BBC3: variants seen among roughly 807,000 people sequenced by gnomAD.
BBC3 encodes bcl-2-binding component 3.
Under a neutral mutation model 18.2 loss-of-function variants are expected in BBC3, and 5 were observed. The observed-to-expected ratio is 0.27, with a 90% CI of 0.14 to 0.58. BBC3 has a LOEUF of 0.58. Among genes scored for constraint, BBC3 ranks in the 20% least tolerant of loss-of-function variants. BBC3 has a pLI of 0.91. For synonymous variants in BBC3, 119 were observed against 128.0 expected, an observed-to-expected ratio of 0.93 and a Z score of 0.47; for missense variants, 224 against 268.9, an observed-to-expected ratio of 0.83 and a Z score of 1.17.
At chr19:47,222,150 G>A (rs1217120533) in intron 3 of BBC3, 14 of 476,804 alleles carry the variant, frequency 2.9e-5, no homozygotes, top group South Asian at 1.4e-4. Flanking sequence ...GGCACCAAGC[G>A]AGTGCGTGGC....
In BBC3 at chr19:47,230,767, C is replaced by A; in HGVS notation, c.-16+162G>T. Reference sequence around the variant, plus strand: ...CCCCAACGCCGAGCCGCCTCTCACCCGGCGACCCTGGCCCAGGGTCCCTCG... The same window carrying A: ...CCCCAACGCCGAGCCGCCTCTCACCAGGCGACCCTGGCCCAGGGTCCCTCG... On this transcript the variant is annotated intron_variant, in intron 1 of 3. Transcript: ENST00000439096. This position sits in a 1 kb window ranked among gnomAD's most constrained non-coding sequence, Gnocchi z 6.7. The A allele has an allele frequency of 1.0e-6, 1 of 985,270 alleles. No individual in the cohort carries two copies. Among genetic ancestry groups the A allele is most frequent in the Non-Finnish European group, 1.2e-6 (1 of 829,876 alleles). The allele number at this position is 985,270 out of a possible 1,614,324, so 61.0% of individuals were successfully genotyped here.
At position 47,228,670 on chromosome 19, in the gene BBC3, A is replaced by T. The variant is rs1238397830; in HGVS notation, c.-15-224T>A. ...ATACGGTGATGGGCACACAGGAGGG[A>T]CAGGGGGCACAGGACGGCTCTCACA... On this transcript the variant is annotated intron_variant, in intron 1 of 3. Transcript: ENST00000439096. The surrounding 1 kb of genome is among the most constrained non-coding windows in gnomAD (Gnocchi z 5.5). Among the ~76,000 whole-genome samples, 2 of 151,544 alleles carry T rather than the reference A, an allele frequency of 1.3e-5. No individual in the cohort carries two copies. The highest frequency in any genetic ancestry group is 2.9e-5 in the Non-Finnish European group (2 of 67,868).
upstream of BBC3, among the ~76,000 whole-genome samples, chr19:47,231,375 G>A (rs1055724181): frequency 2.0e-5 from 3 of 152,034 alleles, no homozygotes; most frequent in Admixed American, 6.5e-5. The surrounding 1 kb of genome is among the most constrained non-coding windows in gnomAD (Gnocchi z 4.0). Context: ...CCGCGCCGGG[G>A]GTTTCCCTGC....
intron 3 of BBC3, among the ~76,000 whole-genome samples, chr19:47,223,067 G>A (rs1397612286): frequency 1.3e-5 from 2 of 148,914 alleles, no homozygotes; most frequent in East Asian, 2.0e-4. Context: ...TCAGGAGATC[G>A]AGATCATCCT....
At chr19:47,225,034 C>A (rs1218639693) in intron 3 of BBC3, among the ~76,000 whole-genome samples, 2 of 152,172 alleles carry the variant, frequency 1.3e-5, no homozygotes, top group Non-Finnish European at 1.5e-5. Context: ...GCCTCAGCCT[C>A]CCGAGTAGCT....
In BBC3 at chr19:47,230,546, G is replaced by A. The variant is rs1432297421; in HGVS notation, c.-16+383C>T. ...CCGCCCCCCGTCGCCGCCCCCAGCG[G>A]GCGCGCGCCCTGGGTGTGGCCGCCC... On this transcript the variant is annotated intron_variant, in intron 1 of 3. Coordinates refer to ENST00000439096, the MANE Select transcript of BBC3 (RefSeq NM_014417.5). The surrounding 1 kb of genome is among the most constrained non-coding windows in gnomAD (Gnocchi z 6.7). 6.6e-6 allele frequency among the ~76,000 whole-genome samples: 1 copy of A among 150,896 alleles called. No individual in the cohort carries two copies. Among genetic ancestry groups the A allele is most frequent in the Non-Finnish European group, 1.5e-5 (1 of 67,632 alleles).
chr19:47,227,564 C>A (rs1340772755), intron 2 of BBC3, among the ~76,000 whole-genome samples: 1 of 152,116 alleles, frequency 6.6e-6, no homozygotes, highest in African/African-American at 2.4e-5. Flanking sequence ...TTCCCTAGAG[C>A]GCCTGCCGGC....
In BBC3 at chr19:47,228,104, C is replaced by T. The variant is rs1008555156; in HGVS notation, c.274+54G>A. The T allele has an allele frequency of 2.0e-5, 24 of 1,206,214 alleles. No homozygotes were observed. The East Asian group carries it at 3.2e-4, about 16-fold the overall frequency. 74.7% of individuals were successfully genotyped at this position (1,206,214 alleles called of 1,614,324 possible). A position where few individuals can be genotyped will look rare whatever the true frequency, so the allele number is the denominator to read the frequency against. ...CCACTTCTCCAGTTCCTCCGAGTCT[C>T]CAGCCCTCTCTCTTCCCGGCTCCTA... On this transcript the variant is annotated intron_variant, in intron 2 of 3. Transcript: ENST00000439096. The surrounding 1 kb of genome is among the most constrained non-coding windows in gnomAD (Gnocchi z 5.5).
chr19:47,228,374 C>T lies in BBC3; in HGVS notation c.58G>A (p.Asp20Asn). Reference sequence around the variant, plus strand: ...CCGAGCGGGAAGGGGCGCGGGCCGTCGCGGGCCAGGCCCTCTACGGGCTCC... The same window carrying T: ...CCGAGCGGGAAGGGGCGCGGGCCGTTGCGGGCCAGGCCCTCTACGGGCTCC... ...SPEPVEGLAR[D>N]GPRPFPLGRL... Residue 20 changes from aspartate to asparagine, a missense_variant, in exon 2 of 4, where the codon GAC (aspartate) becomes AAC (asparagine). Transcript: ENST00000439096. This position sits in a 1 kb window ranked among gnomAD's most constrained non-coding sequence, Gnocchi z 5.5. 2 of 1,231,196 alleles carry T rather than the reference C, an allele frequency of 1.6e-6. No individual in the cohort carries two copies. The highest frequency in any genetic ancestry group is 2.0e-6 in the Non-Finnish European group (2 of 987,768). The allele number at this position is 1,231,196 out of a possible 1,614,324, so 76.3% of individuals were successfully genotyped here. A position where few individuals can be genotyped will look rare whatever the true frequency, so the allele number is the denominator to read the frequency against.
upstream of BBC3, among the ~76,000 whole-genome samples, chr19:47,232,182 T>A (rs1284657405): frequency 3.9e-5 from 6 of 152,036 alleles, no homozygotes; most frequent in Admixed American, 3.9e-4. Flanking sequence ...TGAAACCCCA[T>A]CTCTACTAAA....
rs936563698 is a variant in BBC3, at chr19:47,228,844, CAGGG to C, written c.-15-402_-15-399del. 2.6e-5 allele frequency among the ~76,000 whole-genome samples: 4 copies of C among 152,026 alleles called. No homozygotes were observed. The highest frequency in any genetic ancestry group is 6.6e-5 in the Admixed American group (1 of 15,256). On this transcript the variant is annotated intron_variant, in intron 1 of 3. Transcript: ENST00000439096. This position sits in a 1 kb window ranked among gnomAD's most constrained non-coding sequence, Gnocchi z 5.5. ...CTTTCCCAACACAGCGACGGGCACACAGGGAGGGCAGTGAGGCACAGCGAGGCCC... is the reference window on the plus strand; with the variant it reads ...CTTTCCCAACACAGCGACGGGCACACAGGGCAGTGAGGCACAGCGAGGCCC...
At position 47,228,610 on chromosome 19, in the gene BBC3, A is replaced by T. The variant is rs1321159275; in HGVS notation, c.-15-164T>A. Among the ~76,000 whole-genome samples the T allele has an allele frequency of 6.6e-6, 1 of 151,874 alleles. No homozygotes were observed. Among genetic ancestry groups the T allele is most frequent in the African/African-American group, 2.4e-5 (1 of 41,308 alleles). On this transcript the variant is annotated intron_variant, in intron 1 of 3. Transcript: ENST00000439096. This position sits in a 1 kb window ranked among gnomAD's most constrained non-coding sequence, Gnocchi z 5.5. Reference sequence around the variant, plus strand: ...ACACGCCCAGCCGGGGGATGACACCACCGGGTCCTGGCTGGCCTGGAGAGC... The same window carrying T: ...ACACGCCCAGCCGGGGGATGACACCTCCGGGTCCTGGCTGGCCTGGAGAGC...
chr19:47,230,703 C>T lies in BBC3; in HGVS notation c.-16+226G>A, dbSNP rs1388388373. 3 of 984,180 alleles carry T rather than the reference C, an allele frequency of 3.0e-6. No individual in the cohort carries two copies. Among genetic ancestry groups the T allele is most frequent in the African/African-American group, 1.7e-5 (1 of 57,184 alleles). The allele number at this position is 984,180 out of a possible 1,614,324, so 61.0% of individuals were successfully genotyped here. A position where few individuals can be genotyped will look rare whatever the true frequency, so the allele number is the denominator to read the frequency against. On this transcript the variant is annotated intron_variant, in intron 1 of 3. Transcript: ENST00000439096. This position sits in a 1 kb window ranked among gnomAD's most constrained non-coding sequence, Gnocchi z 6.7. ...CGCACCCCATTGTTTGTAAACAAAC[C>T]CGCCAGACCGCCGAGGCACCTGTGC... is the stretch of plus-strand genomic sequence containing the variant.
rs2058898014 is a variant in BBC3, at chr19:47,230,500, G to A, written c.-16+429C>T. On this transcript the variant is annotated intron_variant, in intron 1 of 3. Coordinates refer to ENST00000439096, the MANE Select transcript of BBC3 (RefSeq NM_014417.5). The surrounding 1 kb of genome is among the most constrained non-coding windows in gnomAD (Gnocchi z 6.7). The stretch of plus-strand genomic sequence containing the variant: ...GGCGCAGCCCCCGCCCGCAGGAGCC[G>A]CAGACTCCACGGCCCGCGAGCCGCC... Among the ~76,000 whole-genome samples, 1 of 150,704 alleles carries A rather than the reference G, an allele frequency of 6.6e-6. No homozygotes were observed. The highest frequency in any genetic ancestry group is 2.4e-5 in the African/African-American group (1 of 41,120).
chr19:47,227,952 G>C lies in BBC3; in HGVS notation c.274+206C>G, dbSNP rs546328922. Among the ~76,000 whole-genome samples, 16 of 152,194 alleles carry C rather than the reference G, an allele frequency of 1.1e-4. No individual in the cohort carries two copies. In the South Asian group the frequency reaches 3.3e-3, roughly 32 times the overall value. ...CGGGGACTGCAGTCAGATTCCAGGA[G>C]GGACTTCCCACTTGACCTCCCCCTC... On this transcript the variant is annotated intron_variant, in intron 2 of 3. Coordinates refer to ENST00000439096, the MANE Select transcript of BBC3 (RefSeq NM_014417.5).
In BBC3 at chr19:47,230,935, G is replaced by A; in HGVS notation, c.-22C>T. 1.0e-6 allele frequency: 1 copy of A among 983,338 alleles called. No individual in the cohort carries two copies. The highest frequency in any genetic ancestry group is 1.1e-4 in the East Asian group (1 of 8,756). The allele number at this position is 983,338 out of a possible 1,614,324, so 60.9% of individuals were successfully genotyped here. A position where few individuals can be genotyped will look rare whatever the true frequency, so the allele number is the denominator to read the frequency against. On this transcript the variant is annotated 5_prime_UTR_variant, in exon 1 of 4. Coordinates refer to ENST00000439096, the MANE Select transcript of BBC3 (RefSeq NM_014417.5). This position sits in a 1 kb window ranked among gnomAD's most constrained non-coding sequence, Gnocchi z 6.7. ...TCGGGGCGCGCACACTCACCCCGGGGGCATGAACACGCCGGAGGGGGCGGC... is the reference window on the plus strand; with the variant it reads ...TCGGGGCGCGCACACTCACCCCGGGAGCATGAACACGCCGGAGGGGGCGGC...
Position 47,221,906 on chromosome 19 carries a change from G to C in BBC3, c.478C>G (p.Gln160Glu). The change falls in exon 4 of 4, where the codon CAG (glutamine) becomes GAG (glutamate). Residue 160 changes from glutamine to glutamate, a missense_variant. By Grantham distance (29) the Gln-to-Glu change is conservative (BLOSUM62 2). Transcript: ENST00000439096. ...AQYERRRQEE[Q>E]QRHRPSPWRV... is the part of the protein sequence containing the mutation. ...CAGGGTGAGGGGCGGTGCCGCTGCTGCTCCTCTTGTCTCTGGGGAAAAGAG... is the reference window on the plus strand; with the variant it reads ...CAGGGTGAGGGGCGGTGCCGCTGCTCCTCCTCTTGTCTCTGGGGAAAAGAG... 1.9e-6 allele frequency: 3 copies of C among 1,606,532 alleles called. No individual in the cohort carries two copies. The highest frequency in any genetic ancestry group is 2.2e-5 in the South Asian group (2 of 90,384).
rs1368879676 is a variant in BBC3, at chr19:47,221,434, C to CCA, written c.*367_*368insTG. The CCA allele has an allele frequency of 2.1e-5, 5 of 238,210 alleles. 1 individual carries two copies. The South Asian group carries it at 3.1e-4, about 15-fold the overall frequency. The allele number at this position is 238,210 out of a possible 1,614,324, so 14.8% of individuals were successfully genotyped here. A position where few individuals can be genotyped will look rare whatever the true frequency, so the allele number is the denominator to read the frequency against. On this transcript the variant is annotated 3_prime_UTR_variant, in exon 4 of 4. Transcript: ENST00000439096. ...GGAGCACCGAGAGGAGAGCCCCCCCCTCCCAGTGTCACCCCTGCAGCTGGA... is the reference window on the plus strand; with the variant it reads ...GGAGCACCGAGAGGAGAGCCCCCCCCCATCCCAGTGTCACCCCTGCAGCTGGA...
chr19:47,227,013 T>A (rs1361084195), intron 2 of BBC3: 1 of 363,964 alleles, frequency 2.7e-6, no homozygotes, highest in Non-Finnish European at 5.0e-6. Flanking sequence ...GCCAGAGAGG[T>A]GACCCCGGGG....
Sources: allele counts gnomAD v4.1 joint callset (sites outside exome capture counted in the v4.1 genomes callset), GRCh38; gene constraint gnomAD v4.1.1; non-coding constraint Gnocchi (gnomAD v3.1); transcripts MANE v1.5; gene names NCBI Gene and HGNC (gene_info 2026-07-23, HGNC 2026-07-21).